Variants in TMEM108 observed in about 807,000 individuals in gnomAD.
TMEM108 encodes transmembrane protein 108.
TMEM108 carries 12 observed loss-of-function variants against 35.1 expected under a neutral mutation model. That is an observed-to-expected ratio of 0.34 (90% CI 0.22 to 0.55). TMEM108 has a LOEUF of 0.55. TMEM108 is among the 20% of genes least tolerant of loss of function. TMEM108 has a pLI of 0.89. For missense variants in TMEM108, 680 were observed against 753.3 expected (o/e 0.90, Z 1.14); for synonymous variants, 287 against 308.6 (o/e 0.93, Z 0.73).
At chr3:133,043,648 T>C (rs1258365703) in intron 1 of TMEM108, among the ~76,000 whole-genome samples, 1 of 152,164 alleles carries the variant, frequency 6.6e-6, no homozygotes, top group African/African-American at 2.4e-5. Flanking sequence ...TTTCCAGATG[T>C]TCAGTTCCCT....
chr3:133,313,256 G>T (rs1405432270), intron 3 of TMEM108, among the ~76,000 whole-genome samples: 1 of 150,498 alleles, frequency 6.6e-6, no homozygotes, highest in Non-Finnish European at 1.5e-5. Flanking sequence ...GGAGTGCAGT[G>T]GTGCGATCTC....
intron 2 of TMEM108, among the ~76,000 whole-genome samples, chr3:133,162,282 T>G (rs1040873147): frequency 1.3e-5 from 2 of 152,250 alleles, no homozygotes; most frequent in Non-Finnish European, 2.9e-5. Context: ...GTTTACTCTA[T>G]AGGTCCTCCT....
chr3:133,348,715 G>A (rs1019044275), intron 3 of TMEM108, among the ~76,000 whole-genome samples: 3 of 152,138 alleles, frequency 2.0e-5, no homozygotes, highest in Non-Finnish European at 4.4e-5. Flanking sequence ...AGATTTCTGG[G>A]AGAGAGATTG....
At chr3:133,039,164 A>G (rs1033536995) in intron 1 of TMEM108, among the ~76,000 whole-genome samples, 2 of 152,190 alleles carry the variant, frequency 1.3e-5, no homozygotes, top group African/African-American at 4.8e-5. Flanking sequence ...CCAATTTCAG[A>G]TGCAGCGTAA....
intron 5 of TMEM108, among the ~76,000 whole-genome samples, chr3:133,394,673 G>A (rs1294826669): frequency 1.3e-5 from 2 of 152,192 alleles, no homozygotes; most frequent in Non-Finnish European, 2.9e-5. Context: ...TCTTTGAAGT[G>A]CTCCACTATT....
chr3:133,066,451 A>G (rs191958978), intron 2 of TMEM108, among the ~76,000 whole-genome samples: 25 of 152,332 alleles, frequency 1.6e-4, no homozygotes, highest in African/African-American at 5.3e-4. Context: ...AAAAAGCAAG[A>G]TAATAAGAAT....
At chr3:133,294,110 C>G (rs569098772) in intron 3 of TMEM108, among the ~76,000 whole-genome samples, 1 of 152,172 alleles carries the variant, frequency 6.6e-6, no homozygotes, top group Non-Finnish European at 1.5e-5. Flanking sequence ...ATTTAATTTA[C>G]TAGAAGTGCT....
intron 2 of TMEM108, among the ~76,000 whole-genome samples, chr3:133,167,682 C>T (rs538281019): frequency 1.8e-4 from 27 of 152,198 alleles, no homozygotes; most frequent in Non-Finnish European, 3.1e-4. Flanking sequence ...GCCGACCGCT[C>T]GGAGTGTGGG....
rs1225265402 is a variant in TMEM108, at chr3:133,071,708, TG to T, written c.-47+25691del. Among the ~76,000 whole-genome samples, 6 of 152,340 alleles carry T rather than the reference TG, an allele frequency of 3.9e-5. No homozygotes were observed. The East Asian group carries it at 1.2e-3, about 29-fold the overall frequency. On this transcript the variant is annotated intron_variant, in intron 2 of 5. Transcript: ENST00000321871. ...TGTGTTGACTTTTTTTGTTGAGTTG[TG>T]GGAGTTCTTTCTGTGTTCTGGATAT...
intron 2 of TMEM108, among the ~76,000 whole-genome samples, chr3:133,055,120 TA>T (rs1183875080): frequency 6.6e-6 from 1 of 152,194 alleles, no homozygotes; most frequent in Non-Finnish European, 1.5e-5. Context: ...CCATCCCCTG[TA>T]TTGAATTTTT....
At chr3:133,102,649 G>C (rs1944102707) in intron 2 of TMEM108, among the ~76,000 whole-genome samples, 1 of 152,190 alleles carries the variant, frequency 6.6e-6, no homozygotes, top group South Asian at 2.1e-4. Context: ...TTGGATAAAT[G>C]AAAATGAATT....
chr3:133,068,972 G>A (rs1158457905), intron 2 of TMEM108, among the ~76,000 whole-genome samples: 1 of 152,140 alleles, frequency 6.6e-6, no homozygotes, highest in Admixed American at 6.6e-5. Context: ...GTAGGGAATA[G>A]AGAAGGCATT....
intron 3 of TMEM108, among the ~76,000 whole-genome samples, chr3:133,271,723 T>G (rs574594843): frequency 6.6e-6 from 1 of 152,278 alleles, no homozygotes; most frequent in South Asian, 2.1e-4. Context: ...GCTTGGAGCC[T>G]ACATTTACAA....
At chr3:133,074,282 C>T (rs899892359) in intron 2 of TMEM108, 1 of 152,126 alleles carries the variant, frequency 6.6e-6, no homozygotes, top group African/African-American at 2.4e-5. Flanking sequence ...TCCCCCCCAA[C>T]AAGCAATCAT....
At chr3:133,064,762 G>T (rs1294185803) in intron 2 of TMEM108, among the ~76,000 whole-genome samples, 2 of 151,510 alleles carry the variant, frequency 1.3e-5, no homozygotes, top group Non-Finnish European at 2.9e-5. Flanking sequence ...TCCAAAGGTA[G>T]ATTGAAGTAG....
intron 2 of TMEM108, among the ~76,000 whole-genome samples, chr3:133,129,219 T>C (rs572314370): frequency 8.3e-4 from 127 of 152,162 alleles, no homozygotes; most frequent in African/African-American, 2.8e-3. Flanking sequence ...GTTGTGCACC[T>C]GTAATCCCGG....
At chr3:133,203,496 A>C (rs1421000911) in intron 2 of TMEM108, among the ~76,000 whole-genome samples, 1 of 152,122 alleles carries the variant, frequency 6.6e-6, no homozygotes, top group African/African-American at 2.4e-5. Context: ...GAGAGTTTTT[A>C]GCGTGAATGC....
intron 3 of TMEM108, among the ~76,000 whole-genome samples, chr3:133,272,308 T>TCC (rs1946783476): frequency 6.6e-6 from 1 of 150,540 alleles, no homozygotes; most frequent in Non-Finnish European, 1.5e-5. Context: ...TGTGTGTGTG[T>TCC]GTGTTTCCTA....
chr3:133,357,125 T>TA (rs1484565931), intron 3 of TMEM108, among the ~76,000 whole-genome samples: 4 of 151,966 alleles, frequency 2.6e-5, no homozygotes, highest in Middle Eastern at 3.2e-3. Flanking sequence ...GCAATGGACA[T>TA]AAAAAGACAT....
Sources: gnomAD v4.1 joint callset for allele counts (sites outside exome capture counted in the v4.1 genomes callset) on GRCh38, gnomAD v4.1.1 for gene constraint, MANE v1.5 for transcripts, NCBI Gene and HGNC (gene_info 2026-07-23, HGNC 2026-07-21) for gene names.